The following REPS1 variants were observed in gnomAD, a reference collection of about 807,000 sequenced individuals.
The protein encoded by REPS1 is RALBP1 associated Eps domain containing 1.
Under a neutral mutation model 100.9 loss-of-function variants are expected in REPS1, and 39 were observed. The ratio of observed to expected loss-of-function variants is 0.39; its 90% CI spans 0.30 to 0.50. REPS1 has a LOEUF of 0.50. REPS1 is among the 20% of genes least tolerant of loss of function. REPS1 has a pLI of 0.86. For missense variants in REPS1, 821 were observed against 968.5 expected (o/e 0.85, Z 2.02); for synonymous variants, 324 against 340.3 (o/e 0.95, Z 0.53).
At chr6:138,925,587 T>G (rs928860577) in intron 10 of REPS1, among the ~76,000 whole-genome samples, 15 of 152,042 alleles carry the variant, frequency 9.9e-5, no homozygotes, top group African/African-American at 3.1e-4. Flanking sequence ...AATTCTGCCT[T>G]TACACATTTC....
At chr6:138,967,545 ATAGCTGTAGG>A (rs1456315691) in intron 1 of REPS1, among the ~76,000 whole-genome samples, 7 of 152,184 alleles carry the variant, frequency 4.6e-5, no homozygotes, top group Non-Finnish European at 8.8e-5. Context: ...TTGAGTTTCT[ATAGCTGTAGG>A]CAGCAATAAT....
At position 138,945,635 on chromosome 6, in the gene REPS1, C is replaced by T; in HGVS notation, c.340G>A (p.Ala114Thr). 6.2e-7 allele frequency: 1 copy of T among 1,613,472 alleles called. No individual in the cohort carries two copies. Among genetic ancestry groups the T allele is most frequent in the South Asian group, 1.1e-5 (1 of 90,942 alleles). ...TTTTCAGAATCTGAAGAATATGAGG[C>T]TGCATGGCGAGATTCCTGTTCATTC... ...SKNEQESRHA[A>T]SYSSDSENQG... Residue 114 changes from alanine to threonine, a missense_variant, in exon 3 of 20, where the codon GCC becomes ACC. Ala to Thr is a moderately conservative substitution (Grantham distance 58). This residue lies in a region of REPS1 where 757 missense variants were observed against 866.4 expected (regional missense o/e 0.87). Coordinates refer to ENST00000450536, the MANE Select transcript of REPS1 (RefSeq NM_001286611.2).
chr6:138,921,503 A>T (rs1780753265), intron 10 of REPS1, among the ~76,000 whole-genome samples: 1 of 150,314 alleles, frequency 6.7e-6, no homozygotes, highest in African/African-American at 2.4e-5. Flanking sequence ...AAATATAAAA[A>T]CGATCTGGGC....
In REPS1 at chr6:138,904,074, T is replaced by C. The variant is rs1355186488; in HGVS notation, c.*990A>G. On this transcript the variant is annotated 3_prime_UTR_variant, in exon 20 of 20. Transcript: ENST00000450536. ...ACACTTCTGATTCTGCCAAGATATATCCATGCAGTTTAAAATCTATGATCC... is the reference window on the plus strand; with the variant it reads ...ACACTTCTGATTCTGCCAAGATATACCCATGCAGTTTAAAATCTATGATCC... 4 of 152,192 alleles carry C rather than the reference T, an allele frequency of 2.6e-5. No homozygotes were observed. The highest frequency in any genetic ancestry group is 9.7e-5 in the African/African-American group (4 of 41,444). The allele number at this position is 152,192 out of a possible 1,614,324, so 9.4% of individuals were successfully genotyped here.
chr6:138,974,233 C>A (rs1321051469), intron 1 of REPS1, among the ~76,000 whole-genome samples: 2 of 152,130 alleles, frequency 1.3e-5, no homozygotes, highest in African/African-American at 4.8e-5. Context: ...ATAACTAAAC[C>A]TCAAGAAATC....
chr6:138,903,792 A>G lies in REPS1; in HGVS notation c.*1272T>C, dbSNP rs974840922. 3.3e-5 allele frequency: 5 copies of G among 152,192 alleles called. No individual in the cohort carries two copies. Among genetic ancestry groups the G allele is most frequent in the African/African-American group, 7.2e-5 (3 of 41,452 alleles). 9.4% of individuals were successfully genotyped at this position (152,192 alleles called of 1,614,324 possible). On this transcript the variant is annotated 3_prime_UTR_variant, in exon 20 of 20. Transcript: ENST00000450536. The stretch of plus-strand genomic sequence containing the variant: ...GCCACTTGGAAACTTCAGCTGATGT[A>G]TATTTTTACCTAGATATTGTCAGGT...
intron 7 of REPS1, among the ~76,000 whole-genome samples, chr6:138,941,876 TTTTTTG>T (rs1008848758): frequency 1.7e-4 from 26 of 152,354 alleles, no homozygotes; most frequent in Middle Eastern, 3.4e-3. Context: ...ATGTACTTTA[TTTTTTG>T]TTTTTATTTT....
At chr6:138,964,019 T>C (rs1019885386) in intron 1 of REPS1, among the ~76,000 whole-genome samples, 1 of 152,218 alleles carries the variant, frequency 6.6e-6, no homozygotes, top group South Asian at 2.1e-4. Context: ...GAGATACTTA[T>C]CAGTTATATT....
At position 138,917,560 on chromosome 6, in the gene REPS1, A is replaced by C; in HGVS notation, c.1596T>G (p.Arg532=). The change falls in exon 13 of 20, where the codon CGT becomes CGG. Residue 532 remains arginine, a synonymous_variant. Transcript: ENST00000450536. The part of the protein sequence containing the change: ...DPEQIGSNVT[R]QRSHSGTSPD... Reference sequence around the variant, plus strand: ...TCATTGACAGAAATACTGACCTTTGACGAGTTACATTGCTCCCGATCTGTT... The same window carrying C: ...TCATTGACAGAAATACTGACCTTTGCCGAGTTACATTGCTCCCGATCTGTT... 1 of 1,612,014 alleles carries C rather than the reference A, an allele frequency of 6.2e-7. No homozygotes were observed. Among genetic ancestry groups the C allele is most frequent in the Non-Finnish European group, 8.5e-7 (1 of 1,178,228 alleles).
rs767720358 is a variant in REPS1, at chr6:138,941,400, T to C, written c.1070A>G (p.Tyr357Cys). The change falls in exon 8 of 20, where the codon TAT (tyrosine) becomes TGT (cysteine). Residue 357 changes from tyrosine to cysteine, a missense_variant. By Grantham distance (194) the Tyr-to-Cys change is radical. This residue lies in a region of REPS1 where 757 missense variants were observed against 866.4 expected (regional missense o/e 0.87). Coordinates refer to ENST00000450536, the MANE Select transcript of REPS1 (RefSeq NM_001286611.2). ...TTCAGGAAGTTTTTCTGGTAAATCA[T>C]AGCCATTCTTCCTAGCAACCACCAG... Reference protein sequence around the residue: ...FHLVVARKNGYDLPEKLPESL... With the variant: ...FHLVVARKNGCDLPEKLPESL... The C allele has an allele frequency of 1.2e-4, 188 of 1,613,938 alleles. No homozygotes were observed. The highest frequency in any genetic ancestry group is 1.5e-4 in the Non-Finnish European group (181 of 1,179,968).
At chr6:138,907,312 A>AGTG in intron 19 of REPS1, 183 bp downstream of exon 19, 1 of 105,682 alleles carries the variant, frequency 9.5e-6, no homozygotes, top group African/African-American at 8.3e-5. Context: ...AAAAAAAAAA[A>AGTG]AGTGTGTGTG....
chr6:138,969,233 T>C (rs1361713436), intron 1 of REPS1, among the ~76,000 whole-genome samples: 3 of 149,564 alleles, frequency 2.0e-5, no homozygotes, highest in African/African-American at 4.9e-5. Flanking sequence ...TCTGCCCTAG[T>C]TGCAAACAAC....
chr6:138,955,457 A>AAGGGTGTGTGT (rs10689184), intron 1 of REPS1, among the ~76,000 whole-genome samples: 1 of 90,720 alleles, frequency 1.1e-5, no homozygotes. Context: ...AAAAAAAAAA[A>AAGGGTGTGTGT]GTGTGTGTGT....
At chr6:138,940,210 T>G (rs1017105899) in intron 8 of REPS1, among the ~76,000 whole-genome samples, 15 of 152,316 alleles carry the variant, frequency 9.8e-5, no homozygotes, top group African/African-American at 3.6e-4. Context: ...ATTTTTAGGT[T>G]AAAGAGATGC....
intron 9 of REPS1, chr6:138,928,095 C>T (rs1302990099): frequency 6.6e-6 from 1 of 152,168 alleles, no homozygotes; most frequent in African/African-American, 2.4e-5. Context: ...AGCTGTGGAA[C>T]CAGACTACTG....
In REPS1 at chr6:138,903,765, A is replaced by T. The variant is rs1186986592; in HGVS notation, c.*1299T>A. ...TATTTAACAACTAAAGCCATACTGA[A>T]AGCCACTTGGAAACTTCAGCTGATG... On this transcript the variant is annotated 3_prime_UTR_variant, in exon 20 of 20. Coordinates refer to ENST00000450536, the MANE Select transcript of REPS1 (RefSeq NM_001286611.2). 2 of 152,162 alleles carry T rather than the reference A, an allele frequency of 1.3e-5. No individual in the cohort carries two copies. Among genetic ancestry groups the T allele is most frequent in the Non-Finnish European group, 2.9e-5 (2 of 68,018 alleles). 9.4% of individuals were successfully genotyped at this position (152,162 alleles called of 1,614,324 possible).
Position 138,908,663 on chromosome 6 carries a change from A to G in REPS1, c.2216+5T>C, listed in dbSNP as rs202085214. The G allele has an allele frequency of 2.5e-6, 4 of 1,613,988 alleles. No individual in the cohort carries two copies. In the East Asian group the frequency reaches 8.9e-5, roughly 36 times the overall value. On this transcript the variant is annotated splice_donor_5th_base_variant and intron_variant, in intron 18 of 19. Coordinates refer to ENST00000450536, the MANE Select transcript of REPS1 (RefSeq NM_001286611.2). ...TTAAATGTGTCTAGGAATAGCTTTG[A>G]TTACCTGGGAATAGAAGGTTGTGAT...
In REPS1 at chr6:138,922,862, A is replaced by G. The variant is rs370716305; in HGVS notation, c.1339-1738T>C. 2.0e-5 allele frequency among the ~76,000 whole-genome samples: 3 copies of G among 152,376 alleles called. 1 individual carries two copies. On this transcript the variant is annotated intron_variant, in intron 10 of 19. Transcript: ENST00000450536. ...GTGAGACAGTACTGTGCTAACACCA[A>G]GCCCTTGCTAGAGAAAGCGAAGTTC...
intron 16 of REPS1, among the ~76,000 whole-genome samples, chr6:138,911,698 G>A (rs1191339610): frequency 1.3e-5 from 2 of 150,554 alleles, no homozygotes; most frequent in Admixed American, 6.6e-5. Flanking sequence ...GCAGGTAATA[G>A]ATGTGTGAGG....
Sources: gnomAD v4.1 joint callset for allele counts (sites outside exome capture counted in the v4.1 genomes callset) on GRCh38, gnomAD v4.1.1 for gene constraint, gnomAD v4.1.1 regional missense constraint, MANE v1.5 for transcripts, NCBI Gene and HGNC (gene_info 2026-07-23, HGNC 2026-07-21) for gene names.